The following TAF10 variants were observed in gnomAD, a reference collection of about 807,000 sequenced individuals.
The protein encoded by TAF10 is transcription initiation factor TFIID subunit 10.
In TAF10, 2 loss-of-function variants were observed where a neutral mutation model predicts 18.1. That is an observed-to-expected ratio of 0.11 (90% CI 0.05 to 0.35). The LOEUF is 0.35. TAF10 is among the 10% of genes least tolerant of loss of function. The pLI is 1.00. For missense variants in TAF10, 293 were observed against 306.9 expected, an observed-to-expected ratio of 0.95 and a Z score of 0.34; for synonymous variants, 158 against 134.6, an observed-to-expected ratio of 1.17 and a Z score of -1.20.
rs113655965 is a variant in TAF10, at chr11:6,609,846, G to A, written c.*1076C>T. 1 of 1,614,202 alleles carries A rather than the reference G, an allele frequency of 6.2e-7. No homozygotes were observed. The highest frequency in any genetic ancestry group is 8.5e-7 in the Non-Finnish European group (1 of 1,180,024). On this transcript the variant is annotated 3_prime_UTR_variant, in exon 5 of 5. Coordinates refer to ENST00000299424, the MANE Select transcript of TAF10 (RefSeq NM_006284.4). ...TGCACTCAATAGCCGTAGTGTAATG[G>A]TGAGGCCACAAGCTCACTCCTGGCC...
chr11:6,608,188 G>A lies in TAF10; in HGVS notation c.*2734C>T. Reference sequence around the variant, plus strand: ...CCCCCTGCATCTGGCAGCCAGTCATGGACACCGTGATATTGTACAGAAGGT... The same window carrying A: ...CCCCCTGCATCTGGCAGCCAGTCATAGACACCGTGATATTGTACAGAAGGT... On this transcript the variant is annotated 3_prime_UTR_variant, in exon 5 of 5. Coordinates refer to ENST00000299424, the MANE Select transcript of TAF10 (RefSeq NM_006284.4). The surrounding 1 kb of genome is among the most constrained non-coding windows in gnomAD (Gnocchi z 4.9). The A allele has an allele frequency of 1.9e-6, 3 of 1,614,174 alleles. No individual in the cohort carries two copies.
chr11:6,609,580 C>A lies in TAF10; in HGVS notation c.*1342G>T. On this transcript the variant is annotated 3_prime_UTR_variant, in exon 5 of 5. Transcript: ENST00000299424. ...CAGTCTCCACCTGCTCCTCATCCTACTCTCATCACACACTGGATGCCGTAT... is the reference window on the plus strand; with the variant it reads ...CAGTCTCCACCTGCTCCTCATCCTAATCTCATCACACACTGGATGCCGTAT... 6.2e-7 allele frequency: 1 copy of A among 1,614,186 alleles called. No homozygotes were observed.
Position 6,609,518 on chromosome 11 carries a change from C to G in TAF10, c.*1404G>C. Reference sequence around the variant, plus strand: ...CACTCCCTCCCTCTTCTAGGATTTTCTCGCATCCAAATGTGCTCCCAGTGC... The same window carrying G: ...CACTCCCTCCCTCTTCTAGGATTTTGTCGCATCCAAATGTGCTCCCAGTGC... On this transcript the variant is annotated 3_prime_UTR_variant, in exon 5 of 5. Transcript: ENST00000299424. The G allele has an allele frequency of 1.2e-6, 2 of 1,614,140 alleles. No individual in the cohort carries two copies. Among genetic ancestry groups the G allele is most frequent in the East Asian group, 4.5e-5 (2 of 44,880 alleles).
Position 6,611,943 on chromosome 11 carries a change from C to T in TAF10, c.232+15G>A. ...CCAAGACGCTTCCCTCGCCCTCACCCGTCCCGGCCCTCACCCGCCCCACGC... is the reference window on the plus strand; with the variant it reads ...CCAAGACGCTTCCCTCGCCCTCACCTGTCCCGGCCCTCACCCGCCCCACGC... On this transcript the variant is annotated intron_variant, in intron 1 of 4. Transcript: ENST00000299424. 6.4e-7 allele frequency: 1 copy of T among 1,574,206 alleles called. No homozygotes were observed. Among genetic ancestry groups the T allele is most frequent in the Non-Finnish European group, 8.6e-7 (1 of 1,167,488 alleles).
In TAF10 at chr11:6,608,388, G is replaced by A. The variant is rs953851382; in HGVS notation, c.*2534C>T. On this transcript the variant is annotated 3_prime_UTR_variant, in exon 5 of 5. Coordinates refer to ENST00000299424, the MANE Select transcript of TAF10 (RefSeq NM_006284.4). This position sits in a 1 kb window ranked among gnomAD's most constrained non-coding sequence, Gnocchi z 4.9. ...CCTCTTCTTTTTGTCTGGCCATGGGGTCCAGCTATTGCAGTACAAGGCAGA... is the reference window on the plus strand; with the variant it reads ...CCTCTTCTTTTTGTCTGGCCATGGGATCCAGCTATTGCAGTACAAGGCAGA... The A allele has an allele frequency of 3.1e-6, 5 of 1,612,998 alleles. No homozygotes were observed. The highest frequency in any genetic ancestry group is 4.2e-6 in the Non-Finnish European group (5 of 1,179,064).
In TAF10 at chr11:6,609,231, T is replaced by C; in HGVS notation, c.*1691A>G. 1.9e-6 allele frequency: 3 copies of C among 1,603,160 alleles called. No homozygotes were observed. The highest frequency in any genetic ancestry group is 2.6e-6 in the Non-Finnish European group (3 of 1,170,158). ...TTGCTTTGTACCTGTTTTAAGTTTT[T>C]CCTCCAGTTAGTGGGCAAGGAAGTG... On this transcript the variant is annotated 3_prime_UTR_variant, in exon 5 of 5. Coordinates refer to ENST00000299424, the MANE Select transcript of TAF10 (RefSeq NM_006284.4).
chr11:6,610,054 T>C lies in TAF10; in HGVS notation c.*868A>G. On this transcript the variant is annotated 3_prime_UTR_variant, in exon 5 of 5. Coordinates refer to ENST00000299424, the MANE Select transcript of TAF10 (RefSeq NM_006284.4). ...CCCGAAGGTGAGTGAAGTCATCATG[T>C]CGGGAGGTAAAAAAGGACCACCTCA... The C allele has an allele frequency of 1.2e-6, 2 of 1,614,088 alleles. No individual in the cohort carries two copies. The highest frequency in any genetic ancestry group is 1.7e-6 in the Non-Finnish European group (2 of 1,180,006).
chr11:6,612,003 G>A lies in TAF10; in HGVS notation c.187C>T (p.Pro63Ser). ...GGCTCCCCGGCCCGCGCCGCCAAGG[G>A]TCCCGTGCCCCCAGCAGCTGCTCCA... ...GAGAAAGGTGPLAARAGEPAE... is the reference protein window; with the variant it reads ...GAGAAAGGTGSLAARAGEPAE... Residue 63 changes from proline to serine, a missense_variant, in exon 1 of 5, where the codon CCC becomes TCC. Transcript: ENST00000299424. 4 of 1,547,768 alleles carry A rather than the reference G, an allele frequency of 2.6e-6. No homozygotes were observed. The highest frequency in any genetic ancestry group is 3.5e-6 in the Non-Finnish European group (4 of 1,154,388).
rs1361859236 is a variant in TAF10, at chr11:6,610,502, T to C, written c.*420A>G. The C allele has an allele frequency of 6.2e-7, 1 of 1,614,222 alleles. No homozygotes were observed. Among genetic ancestry groups the C allele is most frequent in the Non-Finnish European group, 8.5e-7 (1 of 1,180,040 alleles). On this transcript the variant is annotated 3_prime_UTR_variant, in exon 5 of 5. Coordinates refer to ENST00000299424, the MANE Select transcript of TAF10 (RefSeq NM_006284.4). ...CTTCGGCCTACCATCCCACCAGGTATTTCCCCTCATGTGTGTAAGCTCATG... is the reference window on the plus strand; with the variant it reads ...CTTCGGCCTACCATCCCACCAGGTACTTCCCCTCATGTGTGTAAGCTCATG...
rs1471547163 is a variant in TAF10, at chr11:6,612,030, C to T, written c.160G>A (p.Ala54Thr). The change falls in exon 1 of 5, where the codon GCT (alanine) becomes ACT (threonine). Residue 54 changes from alanine (A) to threonine (T), a missense_variant. Transcript: ENST00000299424. ...CCCGTGCCCCCAGCAGCTGCTCCAG[C>T]CCCAGGTCCCCCCGCTGTCCCCGCG... is the stretch of plus-strand genomic sequence containing the variant. Reference protein sequence around the residue: ...SPAGTAGGPGAGAAAGGTGPL... With the variant: ...SPAGTAGGPGTGAAAGGTGPL... 5.3e-6 allele frequency: 8 copies of T among 1,501,922 alleles called. No individual in the cohort carries two copies. Among genetic ancestry groups the T allele is most frequent in the Middle Eastern group, 2.1e-4 (1 of 4,714 alleles). The allele number at this position is 1,501,922 out of a possible 1,614,324, so 93.0% of individuals were successfully genotyped here.
rs1460264173 is a variant in TAF10 at position 6,611,404 on chromosome 11, C to T, written c.436G>A (p.Ala146Thr). 15 of 1,614,060 alleles carry T rather than the reference C, an allele frequency of 9.3e-6. No individual in the cohort carries two copies. The highest frequency in any genetic ancestry group is 1.3e-5 in the Non-Finnish European group (15 of 1,180,048). The change falls in exon 3 of 5, where the codon GCC (alanine) becomes ACC (threonine). Residue 146 changes from alanine to threonine, a missense_variant. Physicochemically the swap from Ala to Thr is moderately conservative, Grantham distance 58. Transcript: ENST00000299424. ...TTTACTCACATGCGTGGGTCTGAGG[C>T]CTCAAAGCCAGCACGGTTCAGGTAG... ...GYYLNRAGFE[A>T]SDPRIIRLIS...
At chr11:6,611,335 T>C in intron 3 of TAF10, 32 bp from the exon 4 acceptor site, 2 of 1,613,902 alleles carry the variant, frequency 1.2e-6, no homozygotes, top group Non-Finnish European at 1.7e-6. Context: ...GAGAAGGAGA[T>C]GGACAACATA....
Position 6,610,209 on chromosome 11 carries a change from G to C in TAF10, c.*713C>G, listed in dbSNP as rs757576502. On this transcript the variant is annotated 3_prime_UTR_variant, in exon 5 of 5. Coordinates refer to ENST00000299424, the MANE Select transcript of TAF10 (RefSeq NM_006284.4). Reference sequence around the variant, plus strand: ...CAGCAGACATGTGGAGTTTTGCAGTGCTTCTGTGGGAACTGGTGACACGGG... The same window carrying C: ...CAGCAGACATGTGGAGTTTTGCAGTCCTTCTGTGGGAACTGGTGACACGGG... The C allele has an allele frequency of 2.0e-5, 33 of 1,614,224 alleles. No individual in the cohort carries two copies. The highest frequency in any genetic ancestry group is 2.7e-5 in the Non-Finnish European group (32 of 1,180,040).
Position 6,611,239 on chromosome 11 carries a change from G to A in TAF10, c.517C>T (p.His173Tyr). ...ISDIANDALQ[H>Y]CKMKGTASGS... ...GAGGCCGTGCCCTTCATTTTGCAGT[G>A]CTGTAGGGCATCATTGGCAATATCT... is the stretch of plus-strand genomic sequence containing the variant. The change falls in exon 4 of 5, where the codon CAC (histidine) becomes TAC (tyrosine). Residue 173 changes from histidine (H) to tyrosine (Y), a missense_variant. Physicochemically the swap from His to Tyr is moderately conservative, Grantham distance 83. Transcript: ENST00000299424. 6.2e-7 allele frequency: 1 copy of A among 1,614,128 alleles called. No individual in the cohort carries two copies. The highest frequency in any genetic ancestry group is 8.5e-7 in the Non-Finnish European group (1 of 1,180,042).
Position 6,610,207 on chromosome 11 carries a change from G to C in TAF10, c.*715C>G. 1 of 1,614,248 alleles carries C rather than the reference G, an allele frequency of 6.2e-7. No individual in the cohort carries two copies. The highest frequency in any genetic ancestry group is 8.5e-7 in the Non-Finnish European group (1 of 1,180,040). ...CTCAGCAGACATGTGGAGTTTTGCA[G>C]TGCTTCTGTGGGAACTGGTGACACG... On this transcript the variant is annotated 3_prime_UTR_variant, in exon 5 of 5. Coordinates refer to ENST00000299424, the MANE Select transcript of TAF10 (RefSeq NM_006284.4).
At position 6,606,335 on chromosome 11, in the gene TAF10, T is replaced by TA; in HGVS notation, c.*4586dup. 6.6e-6 allele frequency: 1 copy of TA among 152,344 alleles called. No individual in the cohort carries two copies. Among genetic ancestry groups the TA allele is most frequent in the East Asian group, 1.9e-4 (1 of 5,184 alleles). 9.4% of individuals were successfully genotyped at this position (152,344 alleles called of 1,614,324 possible). A position where few individuals can be genotyped will look rare whatever the true frequency, so the allele number is the denominator to read the frequency against. Reference sequence around the variant, plus strand: ...TTTATTTTTTAAAATTGGTGGAGTTTAGTTTTTAGGTTTGACAGGTCAGGA... The same window carrying TA: ...TTTATTTTTTAAAATTGGTGGAGTTTAAGTTTTTAGGTTTGACAGGTCAGGA... On this transcript the variant is annotated 3_prime_UTR_variant, in exon 5 of 5. Coordinates refer to ENST00000299424, the MANE Select transcript of TAF10 (RefSeq NM_006284.4).
Position 6,609,682 on chromosome 11 carries a change from G to A in TAF10, c.*1240C>T. On this transcript the variant is annotated 3_prime_UTR_variant, in exon 5 of 5. Coordinates refer to ENST00000299424, the MANE Select transcript of TAF10 (RefSeq NM_006284.4). ...ATTTCCTTGGGGAGGAAATGGCAGA[G>A]AGGGAGCCTCTCTGAACTATTTGAC... 1 of 1,614,222 alleles carries A rather than the reference G, an allele frequency of 6.2e-7. No homozygotes were observed. Among genetic ancestry groups the A allele is most frequent in the Non-Finnish European group, 8.5e-7 (1 of 1,180,044 alleles).
rs768794579 is a variant in TAF10 at position 6,611,199 on chromosome 11, C to G, written c.557G>C (p.Ser186Thr). The G allele has an allele frequency of 4.5e-5, 72 of 1,613,938 alleles. No individual in the cohort carries two copies. The highest frequency in any genetic ancestry group is 2.0e-4 in the Admixed American group (12 of 60,002). ...MKGTASGSSR[S>T]KSKDRKYTLT... Reference sequence around the variant, plus strand: ...AGCCTCCCCTCACACCTTGCTCTTGCTCCGGGAGCTGCCGGAGGCCGTGCC... The same window carrying G: ...AGCCTCCCCTCACACCTTGCTCTTGGTCCGGGAGCTGCCGGAGGCCGTGCC... The change falls in exon 4 of 5, where the codon AGC (serine) becomes ACC (threonine). Residue 186 changes from serine to threonine, a missense_variant. Transcript: ENST00000299424.
Position 6,607,056 on chromosome 11 carries a change from C to T in TAF10, c.*3866G>A, listed in dbSNP as rs956130713. On this transcript the variant is annotated 3_prime_UTR_variant, in exon 5 of 5. Transcript: ENST00000299424. ...CTGTACGGGCATCTGGATGGCCAGACCCCTGATCAGCTCCAGGCCTTGCCT... is the reference window on the plus strand; with the variant it reads ...CTGTACGGGCATCTGGATGGCCAGATCCCTGATCAGCTCCAGGCCTTGCCT... 1 of 152,360 alleles carries T rather than the reference C, an allele frequency of 6.6e-6. No homozygotes were observed. Among genetic ancestry groups the T allele is most frequent in the Non-Finnish European group, 1.5e-5 (1 of 68,086 alleles). The allele number at this position is 152,360 out of a possible 1,614,324, so 9.4% of individuals were successfully genotyped here. A position where few individuals can be genotyped will look rare whatever the true frequency, so the allele number is the denominator to read the frequency against.
Sources: gnomAD v4.1 joint callset for allele counts on GRCh38, gnomAD v4.1.1 for gene constraint, Gnocchi (gnomAD v3.1) non-coding constraint, MANE v1.5 for transcripts, NCBI Gene and HGNC (gene_info 2026-07-23, HGNC 2026-07-21) for gene names.